The following GPANK1 variants were observed in gnomAD, a reference collection of about 807,000 sequenced individuals.
The protein encoded by GPANK1 is G-patch domain and ankyrin repeats 1.
GPANK1 carries 22 observed loss-of-function variants against 24.0 expected under a neutral mutation model. The ratio of observed to expected loss-of-function variants is 0.92; its 90% CI spans 0.66 to 1.31. The LOEUF (loss-of-function observed/expected upper bound fraction) is 1.31, where lower values mean the gene tolerates loss of function less well. GPANK1 is among the 50% of genes most tolerant of loss of function. The probability of loss-of-function intolerance (pLI) is 0.00; values close to 1 mark genes in which losing one functional copy is unlikely to be tolerated. For synonymous variants in GPANK1, 174 were observed against 177.4 expected, an observed-to-expected ratio of 0.98 and a Z score of 0.15; for missense variants, 469 against 453.5, an observed-to-expected ratio of 1.03 and a Z score of -0.31.
upstream of GPANK1, chr6:31,666,047 C>T (rs758350057): frequency 1.7e-5 from 17 of 996,506 alleles, no homozygotes; most frequent in Non-Finnish European, 1.9e-5. Context: ...TGACCCTTGG[C>T]GCTTGCGTGT....
At chr6:31,665,438 C>T (rs767912468), upstream of GPANK1, 1 of 1,564,082 alleles carries the variant, frequency 6.4e-7, no homozygotes, top group Admixed American at 1.9e-5. Context: ...CACTTAGAGC[C>T]TAAGGGGAAA....
In GPANK1 at chr6:31,663,890, T is replaced by C; in HGVS notation, c.589A>G (p.Arg197Gly). 6.3e-7 allele frequency: 1 copy of C among 1,598,268 alleles called. No individual in the cohort carries two copies. Among genetic ancestry groups the C allele is most frequent in the Non-Finnish European group, 8.5e-7 (1 of 1,171,926 alleles). The change falls in exon 2 of 3, where the codon AGG (arginine) becomes GGG (glycine). Residue 197 changes from arginine (R) to glycine (G), a missense_variant. Physicochemically the swap from Arg to Gly is moderately radical, Grantham distance 125. Coordinates refer to ENST00000375896, the MANE Select transcript of GPANK1 (RefSeq NM_033177.4). ...AGFPEVARMV[R>G]ESHGETRSPE... ...CTCCTTGTCTCTCCATGGCTCTCCC[T>C]GACCATGCGGGCTACCTCAGGGAAG...
At position 31,663,979 on chromosome 6, in the gene GPANK1, G is replaced by A; in HGVS notation, c.500C>T (p.Ala167Val). ...AAVSYLLGRGAAWVGVCELSG... is the reference protein window; with the variant it reads ...AAVSYLLGRGVAWVGVCELSG... Reference sequence around the variant, plus strand: ...CAGCTCACAGACCCCCACCCAGGCAGCCCCACGGCCCAGGAGATAGCTCAC... The same window carrying A: ...CAGCTCACAGACCCCCACCCAGGCAACCCCACGGCCCAGGAGATAGCTCAC... The change falls in exon 2 of 3, where the codon GCT (alanine) becomes GTT (valine). Residue 167 changes from alanine to valine, a missense_variant. By Grantham distance (64) the Ala-to-Val change is moderately conservative. Transcript: ENST00000375896. 6.2e-7 allele frequency: 1 copy of A among 1,614,116 alleles called. No homozygotes were observed. The highest frequency in any genetic ancestry group is 8.5e-7 in the Non-Finnish European group (1 of 1,180,016).
At chr6:31,665,457 T>A, upstream of GPANK1, 2 of 1,569,498 alleles carry the variant, frequency 1.3e-6, no homozygotes, top group Non-Finnish European at 1.7e-6. Flanking sequence ...AATGGAGAAG[T>A]GCAAAGGGAC....
In GPANK1 at chr6:31,662,866, C is replaced by T. The variant is rs1235824444; in HGVS notation, c.627-156G>A. Among the ~76,000 whole-genome samples the T allele has an allele frequency of 6.6e-6, 1 of 151,864 alleles. No homozygotes were observed. Among genetic ancestry groups the T allele is most frequent in the Non-Finnish European group, 1.5e-5 (1 of 67,998 alleles). ...GCATAGTGGCTCACGCCTGTAATCC[C>T]AACACTTTGGGAGGCAGAGGCGGGC... On this transcript the variant is annotated intron_variant, in intron 2 of 2. Coordinates refer to ENST00000375896, the MANE Select transcript of GPANK1 (RefSeq NM_033177.4). This position sits in a 1 kb window ranked among gnomAD's most constrained non-coding sequence, Gnocchi z 5.5.
In GPANK1 at chr6:31,662,686, G is replaced by C. The variant is rs761264567; in HGVS notation, c.651C>G (p.Tyr217Ter). ...GGAAGTGGGTGTCACAGTTCTCGCA[G>C]TACTGGAGGGAGGGAGTAGGAGACC... ...ENRSPTPSLQ[Y>*]CENCDTHFQD... The change falls in exon 3 of 3, where the codon TAC becomes TAG. Residue 217 changes from tyrosine to a stop codon, truncating the protein, a stop_gained. Transcript: ENST00000375896. LOFTEE classifies it high-confidence loss of function. The surrounding 1 kb of genome is among the most constrained non-coding windows in gnomAD (Gnocchi z 5.5). The C allele has an allele frequency of 6.3e-7, 1 of 1,599,622 alleles. No individual in the cohort carries two copies. The highest frequency in any genetic ancestry group is 8.5e-7 in the Non-Finnish European group (1 of 1,170,016).
Position 31,664,535 on chromosome 6 carries a change from G to A in GPANK1, c.-57C>T, listed in dbSNP as rs972422597. 2 of 1,431,276 alleles carry A rather than the reference G, an allele frequency of 1.4e-6. No individual in the cohort carries two copies. Among genetic ancestry groups the A allele is most frequent in the Non-Finnish European group, 1.9e-6 (2 of 1,037,714 alleles). 88.7% of individuals were successfully genotyped at this position (1,431,276 alleles called of 1,614,324 possible). Reference sequence around the variant, plus strand: ...GGCAAGGGAAGGATGAGACAAGTAAGCCAAGCTCGTGGTGACCCTGTAGCA... The same window carrying A: ...GGCAAGGGAAGGATGAGACAAGTAAACCAAGCTCGTGGTGACCCTGTAGCA... On this transcript the variant is annotated 5_prime_UTR_variant, in exon 2 of 3. Coordinates refer to ENST00000375896, the MANE Select transcript of GPANK1 (RefSeq NM_033177.4).
Position 31,662,593 on chromosome 6 carries a change from GT to G in GPANK1, c.743del (p.Asn248ThrfsTer17). The G allele has an allele frequency of 6.2e-7, 1 of 1,612,904 alleles. No homozygotes were observed. Among genetic ancestry groups the G allele is most frequent in the Non-Finnish European group, 8.5e-7 (1 of 1,179,878 alleles). ...LSLSQGPQPP[N>X]LPLGVPISSP... Reference sequence around the variant, plus strand: ...TGGAGATGGGCACCCCAAGTGGAAGGTTGGGAGGCTGAGGACCCTGCGACAG... The same window carrying G: ...TGGAGATGGGCACCCCAAGTGGAAGGTGGGAGGCTGAGGACCCTGCGACAG... On this transcript the variant is annotated frameshift_variant, in exon 3 of 3. Coordinates refer to ENST00000375896, the MANE Select transcript of GPANK1 (RefSeq NM_033177.4). LOFTEE classifies it high-confidence loss of function. The surrounding 1 kb of genome is among the most constrained non-coding windows in gnomAD (Gnocchi z 5.5).
chr6:31,665,580 C>T (rs911324507), upstream of GPANK1: 3 of 1,317,286 alleles, frequency 2.3e-6, no homozygotes, highest in Non-Finnish European at 2.1e-6. Flanking sequence ...GCACCTCTCC[C>T]CTCATGAGGC....
chr6:31,664,381 G>A lies in GPANK1; in HGVS notation c.98C>T (p.Ser33Phe), dbSNP rs771094951. ...QQQPQPEKPE[S>F]TLDGAAARAF... ...TCGGGCTGCAGCCCCATCCAGGGTG[G>A]ACTCTGGCTTCTCGGGCTGTGGCTG... Residue 33 changes from serine (S) to phenylalanine (F), a missense_variant, in exon 2 of 3, where the codon TCC (serine) becomes TTC (phenylalanine). Ser to Phe is a radical substitution (Grantham distance 155, BLOSUM62 -2). Coordinates refer to ENST00000375896, the MANE Select transcript of GPANK1 (RefSeq NM_033177.4). The A allele has an allele frequency of 1.9e-6, 3 of 1,613,982 alleles. No individual in the cohort carries two copies. The highest frequency in any genetic ancestry group is 2.7e-5 in the African/African-American group (2 of 74,914).
At chr6:31,666,264 G>A, upstream of GPANK1, 1 of 904,096 alleles carries the variant, frequency 1.1e-6, no homozygotes, top group Non-Finnish European at 1.3e-6. Flanking sequence ...CGGCACATGG[G>A]GTCTCCGGAC....
At position 31,664,552 on chromosome 6, in the gene GPANK1, C is replaced by A. The variant is rs144821605; in HGVS notation, c.-74G>T. 5.0e-4 allele frequency: 588 copies of A among 1,174,248 alleles called. 1 individual carries two copies. The African/African-American group carries it at 5.2e-3, about 10-fold the overall frequency. 72.7% of individuals were successfully genotyped at this position (1,174,248 alleles called of 1,614,324 possible). A position where few individuals can be genotyped will look rare whatever the true frequency, so the allele number is the denominator to read the frequency against. ...ACAAGTAAGCCAAGCTCGTGGTGAC[C>A]CTGTAGCAACCACAGCCTCAGAGAC... On this transcript the variant is annotated 5_prime_UTR_variant, in exon 2 of 3. Coordinates refer to ENST00000375896, the MANE Select transcript of GPANK1 (RefSeq NM_033177.4).
Position 31,662,370 on chromosome 6 carries a change from G to A in GPANK1, c.967C>T (p.Pro323Ser). Residue 323 changes from proline (P) to serine (S), a missense_variant, in exon 3 of 3, where the codon CCC (proline) becomes TCC (serine). Transcript: ENST00000375896. This position sits in a 1 kb window ranked among gnomAD's most constrained non-coding sequence, Gnocchi z 5.5. ...DTRAVAGRER[P>S]PRVATLSWRE... ...CAGCTCAGTGTGGCCACCCGAGGGG[G>A]TCTCTCCCTCCCAGCCACAGCTCGG... is the stretch of plus-strand genomic sequence containing the variant. 6.2e-7 allele frequency: 1 copy of A among 1,612,382 alleles called. No homozygotes were observed. The highest frequency in any genetic ancestry group is 8.5e-7 in the Non-Finnish European group (1 of 1,179,656).
Position 31,664,017 on chromosome 6 carries a change from G to A in GPANK1, c.462C>T (p.Gly154=). The A allele has an allele frequency of 1.2e-6, 2 of 1,614,176 alleles. No individual in the cohort carries two copies. The highest frequency in any genetic ancestry group is 1.7e-6 in the Non-Finnish European group (2 of 1,180,026). ...GGAGATAGCTCACAGCTGCCCCCTG[G>A]CCCGCTCGAGCAGCACACATCAGTG... ...WTPLMCAARA[G]QGAAVSYLLG... The change falls in exon 2 of 3, where the codon GGC becomes GGT. Residue 154 remains glycine (G), a synonymous_variant. Transcript: ENST00000375896.
chr6:31,665,968 C>G, upstream of GPANK1: 1 of 1,023,424 alleles, frequency 9.8e-7, no homozygotes, highest in South Asian at 3.7e-5. Context: ...ATTGGTAGTT[C>G]GCTTTCTCTC....
At position 31,664,056 on chromosome 6, in the gene GPANK1, G is replaced by A. The variant is rs1223189922; in HGVS notation, c.423C>T (p.Ala141=). The A allele has an allele frequency of 2.5e-6, 4 of 1,614,056 alleles. No homozygotes were observed. Among genetic ancestry groups the A allele is most frequent in the East Asian group, 4.5e-5 (2 of 44,892 alleles). ...GAGGNINARD[A]FWWTPLMCAA... ...CACACATCAGTGGGGTCCACCAGAA[G>A]GCATCCCGGGCGTTGATATTCCCCC... Residue 141 remains alanine, a synonymous_variant, in exon 2 of 3, where the codon GCC becomes GCT. Coordinates refer to ENST00000375896, the MANE Select transcript of GPANK1 (RefSeq NM_033177.4).
chr6:31,663,637 G>A lies in GPANK1; in HGVS notation c.626+216C>T, dbSNP rs894570075. 3.3e-5 allele frequency among the ~76,000 whole-genome samples: 5 copies of A among 152,202 alleles called. No individual in the cohort carries two copies. The East Asian group carries it at 7.7e-4, about 23-fold the overall frequency. On this transcript the variant is annotated intron_variant, in intron 2 of 2. Transcript: ENST00000375896. ...CCCCATTTCTAAGATGAGAAAACTG[G>A]AACATGTAGACATTAGGTTGTTTGC... is the stretch of plus-strand genomic sequence containing the variant.
In GPANK1 at chr6:31,662,761, G is replaced by C; in HGVS notation, c.627-51C>G. ...AAGGGCAGGGGAAGGAAAAGGGGAA[G>C]AGTTGAGGCCTCAGAGGGGGCTGGC... On this transcript the variant is annotated intron_variant, in intron 2 of 2. Transcript: ENST00000375896. This position sits in a 1 kb window ranked among gnomAD's most constrained non-coding sequence, Gnocchi z 5.5. The C allele has an allele frequency of 2.5e-5, 29 of 1,183,200 alleles. No homozygotes were observed. Among genetic ancestry groups the C allele is most frequent in the Middle Eastern group, 2.2e-4 (1 of 4,488 alleles). The allele number at this position is 1,183,200 out of a possible 1,614,324, so 73.3% of individuals were successfully genotyped here.
upstream of GPANK1, chr6:31,666,045 G>C (rs918131838): frequency 2.8e-5 from 28 of 996,186 alleles, no homozygotes; most frequent in East Asian, 7.4e-4. Context: ...CCTGACCCTT[G>C]GCGCTTGCGT....
Sources: allele counts gnomAD v4.1 joint callset (sites outside exome capture counted in the v4.1 genomes callset), GRCh38; gene constraint gnomAD v4.1.1; non-coding constraint Gnocchi (gnomAD v3.1); transcripts MANE v1.5; gene names NCBI Gene and HGNC (gene_info 2026-07-23, HGNC 2026-07-21).